The following GNPTAB variants were observed in gnomAD, a reference collection of about 807,000 sequenced individuals.
GNPTAB encodes the protein N-acetylglucosamine-1-phosphotransferase subunits alpha/beta.
A neutral mutation model predicts 136.6 loss-of-function variants in GNPTAB; 92 were observed. The observed-to-expected ratio is 0.67, with a 90% CI of 0.57 to 0.80. The LOEUF is 0.80. GNPTAB is among the 30% of genes least tolerant of loss of function. The pLI is 0.00. For missense variants in GNPTAB, 1,343 were observed against 1,501.8 expected (o/e 0.89, Z 1.75); for synonymous variants, 512 against 535.1 (o/e 0.96, Z 0.60).
chr12:101,753,561 G>C (rs751656760), intron 18 of GNPTAB, 22 bp from the exon 19 acceptor site: 14 of 1,597,772 alleles, frequency 8.8e-6, no homozygotes, highest in Non-Finnish European at 1.2e-5. Context: ...GAGAGCCAGG[G>C]TTATTAGTTA....
intron 10 of GNPTAB, among the ~76,000 whole-genome samples, chr12:101,768,703 A>G (rs1320109181): frequency 6.6e-6 from 1 of 152,184 alleles, no homozygotes; most frequent in East Asian, 1.9e-4. Flanking sequence ...GTGATGGGGT[A>G]CATGGTTTTT....
chr12:101,830,836 G>C lies in GNPTAB; in HGVS notation c.-161C>G, dbSNP rs1594270276. On this transcript the variant is annotated 5_prime_UTR_variant, in exon 1 of 21. Coordinates refer to ENST00000299314, the MANE Select transcript of GNPTAB (RefSeq NM_024312.5). The stretch of plus-strand genomic sequence containing the variant: ...CAGCTCCGGCGACGGACGCCCGCTC[G>C]GCTCCGCGCCGCGGCCGCCGCTTCC... 1 of 187,368 alleles carries C rather than the reference G, an allele frequency of 5.3e-6. No homozygotes were observed. Among genetic ancestry groups the C allele is most frequent in the Non-Finnish European group, 1.1e-5 (1 of 89,738 alleles). 11.6% of individuals were successfully genotyped at this position (187,368 alleles called of 1,614,324 possible).
At chr12:101,795,957 GA>G (rs1008424171) in intron 2 of GNPTAB, 1,813 of 334,920 alleles carry the variant, frequency 5.4e-3, no homozygotes, top group South Asian at 7.8e-3. Context: ...TTGTGAAGAG[GA>G]AAAAAAAAAT....
At chr12:101,758,781 T>C (rs969032706) in intron 16 of GNPTAB, among the ~76,000 whole-genome samples, 38 of 152,168 alleles carry the variant, frequency 2.5e-4, no homozygotes, top group African/African-American at 8.9e-4. Flanking sequence ...AGGGAGGAGG[T>C]GTCCTATCTG....
chr12:101,803,424 TC>T (rs1176889739), intron 1 of GNPTAB, among the ~76,000 whole-genome samples: 3 of 152,216 alleles, frequency 2.0e-5, no homozygotes, highest in Non-Finnish European at 4.4e-5. Flanking sequence ...ACACCCATTT[TC>T]CTGATGCAAA....
rs139088267 is a variant in GNPTAB at position 101,797,341 on chromosome 12, C to A, written c.118-579G>T. 1.6e-3 allele frequency among the ~76,000 whole-genome samples: 244 copies of A among 152,010 alleles called. 1 individual carries two copies. The highest frequency in any genetic ancestry group is 3.0e-3 in the Non-Finnish European group (203 of 67,980). ...CAGACACAAGCAGAAACAGAAGGGA[C>A]AGGCCGGGCACGGTGGCTCACGCCT... On this transcript the variant is annotated intron_variant, in intron 1 of 20. Coordinates refer to ENST00000299314, the MANE Select transcript of GNPTAB (RefSeq NM_024312.5).
At position 101,780,190 on chromosome 12, in the gene GNPTAB, T is replaced by A; in HGVS notation, c.733A>T (p.Thr245Ser). ...GAGGAAAGATTTTCTGGCAATTTTG[T>A]TTTTAGTTGATTTGTTTCCTTGAAT... ...PTFKETNQLK[T>S]KLPENLSSKV... Residue 245 changes from threonine to serine, a missense_variant, in exon 7 of 21, where the codon ACA (threonine) becomes TCA (serine). Physicochemically the swap from Thr to Ser is moderately conservative, Grantham distance 58. Transcript: ENST00000299314. 6.2e-7 allele frequency: 1 copy of A among 1,613,786 alleles called. No homozygotes were observed. Among genetic ancestry groups the A allele is most frequent in the Non-Finnish European group, 8.5e-7 (1 of 1,179,680 alleles).
chr12:101,781,526 AAC>A (rs1263163371), intron 5 of GNPTAB, among the ~76,000 whole-genome samples: 1 of 152,012 alleles, frequency 6.6e-6, no homozygotes, highest in Non-Finnish European at 1.5e-5. Flanking sequence ...ACAAACAAAA[AAC>A]ACAAAAACTA....
At chr12:101,826,977 T>G (rs1044939194) in intron 1 of GNPTAB, among the ~76,000 whole-genome samples, 1 of 143,770 alleles carries the variant, frequency 7.0e-6, no homozygotes, top group South Asian at 2.2e-4. Flanking sequence ...TTTTTTTTTT[T>G]TGAGACCAGG....
chr12:101,765,214 A>G lies in GNPTAB; in HGVS notation c.1703T>C (p.Phe568Ser), dbSNP rs1332796194. ...PKGECLPYFS[F>S]AEVAKRGVEG... ...AACTCCTCTTTTGGCTACTTCTGCAAAGCTGAAATAAGGCAGGCATTCACC... is the reference window on the plus strand; with the variant it reads ...AACTCCTCTTTTGGCTACTTCTGCAGAGCTGAAATAAGGCAGGCATTCACC... Residue 568 changes from phenylalanine (F) to serine (S), a missense_variant, in exon 13 of 21, where the codon TTT becomes TCT. Coordinates refer to ENST00000299314, the MANE Select transcript of GNPTAB (RefSeq NM_024312.5). 6.2e-7 allele frequency: 1 copy of G among 1,613,914 alleles called. No homozygotes were observed. Among genetic ancestry groups the G allele is most frequent in the Non-Finnish European group, 8.5e-7 (1 of 1,179,892 alleles).
intron 2 of GNPTAB, among the ~76,000 whole-genome samples, chr12:101,791,486 C>CA (rs60094287): frequency 0.099 from 13,078 of 132,404 alleles, 661 homozygotes; most frequent in Middle Eastern, 0.21. Flanking sequence ...ATAAACCACG[C>CA]AAAAAAAAAA....
intron 7 of GNPTAB, 47 bp from the exon 8 acceptor site, chr12:101,771,204 G>A (rs776295848): frequency 1.3e-6 from 2 of 1,489,134 alleles, no homozygotes; most frequent in Non-Finnish European, 1.9e-6. Context: ...GAATCTCAAG[G>A]ATGAAGCACC....
intron 1 of GNPTAB, among the ~76,000 whole-genome samples, chr12:101,827,942 G>A (rs1871181609): frequency 6.6e-6 from 1 of 152,124 alleles, no homozygotes; most frequent in Non-Finnish European, 1.5e-5. Context: ...ACTCCAGCGT[G>A]GGCAAGAGTG....
At chr12:101,815,954 A>G (rs1485858804) in intron 1 of GNPTAB, among the ~76,000 whole-genome samples, 1 of 152,224 alleles carries the variant, frequency 6.6e-6, no homozygotes, top group Non-Finnish European at 1.5e-5. Flanking sequence ...GGGAAAGGAC[A>G]GTCTCTTTAA....
At chr12:101,799,425 T>C (rs1341691335) in intron 1 of GNPTAB, among the ~76,000 whole-genome samples, 1 of 152,180 alleles carries the variant, frequency 6.6e-6, no homozygotes, top group Non-Finnish European at 1.5e-5. Flanking sequence ...GAACATGTTT[T>C]TAATACAGAT....
intron 2 of GNPTAB, among the ~76,000 whole-genome samples, chr12:101,790,483 A>G (rs1245608741): frequency 1.3e-5 from 2 of 152,238 alleles, no homozygotes; most frequent in Non-Finnish European, 2.9e-5. Flanking sequence ...ACAAAATTAC[A>G]GGCTCTGCAC....
At chr12:101,817,170 T>C (rs1023636061) in intron 1 of GNPTAB, among the ~76,000 whole-genome samples, 1 of 151,508 alleles carries the variant, frequency 6.6e-6, no homozygotes, top group African/African-American at 2.4e-5. Context: ...TATTTCAAAA[T>C]AGCTAAAAGT....
rs1234335995 is a variant in GNPTAB, at chr12:101,830,906, C to A, written c.-231G>T. ...CCTCGGCGCGGCGGAGGCGGACCTG[C>A]GGCCGGCGAGGCGGCCGGCGCCGCC... On this transcript the variant is annotated 5_prime_UTR_variant, in exon 1 of 21. Transcript: ENST00000299314. 6.8e-6 allele frequency: 1 copy of A among 146,918 alleles called. No individual in the cohort carries two copies. Among genetic ancestry groups the A allele is most frequent in the Non-Finnish European group, 1.5e-5 (1 of 66,348 alleles). 9.1% of individuals were successfully genotyped at this position (146,918 alleles called of 1,614,324 possible).
At chr12:101,816,459 A>G (rs1432075495) in intron 1 of GNPTAB, among the ~76,000 whole-genome samples, 2 of 152,254 alleles carry the variant, frequency 1.3e-5, no homozygotes, top group African/African-American at 4.8e-5. Context: ...GCTCAACATT[A>G]CAAGTTATCA....
Sources: allele counts gnomAD v4.1 joint callset (sites outside exome capture counted in the v4.1 genomes callset), GRCh38; gene constraint gnomAD v4.1.1; transcripts MANE v1.5; gene names NCBI Gene and HGNC (gene_info 2026-07-23, HGNC 2026-07-21).